AMPH: variants seen among roughly 807,000 people sequenced by gnomAD.
The protein encoded by AMPH is amphiphysin (Stiff-Mann syndrome with breast cancer 128kD autoantigen).
AMPH carries 49 observed loss-of-function variants against 99.1 expected under a neutral mutation model. That is an observed-to-expected ratio of 0.49 (90% confidence interval 0.39 to 0.63). AMPH has a LOEUF of 0.63. AMPH is among the 20% of genes least tolerant of loss of function. The probability of loss-of-function intolerance (pLI) is 0.00; values close to 1 mark genes in which losing one functional copy is unlikely to be tolerated. For synonymous variants in AMPH, 314 were observed against 317.3 expected, an observed-to-expected ratio of 0.99 and a Z score of 0.11; for missense variants, 759 against 863.4, an observed-to-expected ratio of 0.88 and a Z score of 1.52.
intron 12 of AMPH, among the ~76,000 whole-genome samples, chr7:38,433,532 C>T (rs1006653378): frequency 6.0e-5 from 9 of 150,554 alleles, no homozygotes; most frequent in African/African-American, 1.2e-4. Context: ...GAGACCATCC[C>T]GGCTAAAACG....
intron 1 of AMPH, among the ~76,000 whole-genome samples, chr7:38,624,464 G>A (rs1005857390): frequency 3.3e-5 from 5 of 151,616 alleles, no homozygotes; most frequent in South Asian, 2.1e-4. Flanking sequence ...GCACAATCGC[G>A]GCTCACTGCA....
intron 1 of AMPH, among the ~76,000 whole-genome samples, chr7:38,536,990 T>C (rs1790630194): frequency 6.6e-6 from 1 of 152,230 alleles, no homozygotes; most frequent in South Asian, 2.1e-4. Context: ...CATTATTTTC[T>C]TCTTTATAAC....
chr7:38,388,513 T>A (rs1784405539), intron 20 of AMPH, among the ~76,000 whole-genome samples: 1 of 152,122 alleles, frequency 6.6e-6, no homozygotes, highest in Non-Finnish European at 1.5e-5. Flanking sequence ...TCTATTTAAT[T>A]TCTATTTAAT....
intron 16 of AMPH, 54 bp from the exon 17 acceptor site, chr7:38,418,004 T>C: frequency 6.3e-7 from 1 of 1,581,688 alleles, no homozygotes; most frequent in Non-Finnish European, 8.6e-7. Context: ...GGTAAATAGA[T>C]AACATTACAG....
intron 2 of AMPH, among the ~76,000 whole-genome samples, chr7:38,508,762 TA>T (rs1789427748): frequency 6.6e-6 from 1 of 152,214 alleles, no homozygotes; most frequent in South Asian, 2.1e-4. Context: ...ATATCAAAAT[TA>T]AAACTGGCTC....
intron 3 of AMPH, among the ~76,000 whole-genome samples, chr7:38,498,638 A>T (rs1468824212): frequency 6.6e-6 from 1 of 152,212 alleles, no homozygotes; most frequent in African/African-American, 2.4e-5. Context: ...AGTATTATTG[A>T]ACTATTGGAC....
At chr7:38,564,886 A>C (rs1024233015) in intron 1 of AMPH, among the ~76,000 whole-genome samples, 10 of 152,306 alleles carry the variant, frequency 6.6e-5, no homozygotes, top group Admixed American at 3.3e-4. Flanking sequence ...GCACTCTGGG[A>C]GGCTGAGGTG....
chr7:38,573,757 T>C (rs1026624135), intron 1 of AMPH, among the ~76,000 whole-genome samples: 4 of 152,206 alleles, frequency 2.6e-5, no homozygotes, highest in African/African-American at 9.7e-5. Flanking sequence ...TTTCTTTCAA[T>C]AAAAATAGTT....
intron 14 of AMPH, chr7:38,429,065 C>T (rs781635688): frequency 2.1e-5 from 27 of 1,290,392 alleles, no homozygotes; most frequent in East Asian, 1.1e-4. Flanking sequence ...CCTTTTGACA[C>T]GCCTCCACAC....
chr7:38,393,873 T>A, intron 18 of AMPH, 132 bp downstream of exon 18: 1 of 776,502 alleles, frequency 1.3e-6, no homozygotes. Flanking sequence ...ATAATAATGT[T>A]GTTTGGTGGA....
rs545824108 is a variant in AMPH at position 38,419,666 on chromosome 7, T to C, written c.1273-1716A>G. Reference sequence around the variant, plus strand: ...CTTACCATTTGGGAAGTCAAGGTGATTTGCTATGACAGCCTGGTATCAAAT... The same window carrying C: ...CTTACCATTTGGGAAGTCAAGGTGACTTGCTATGACAGCCTGGTATCAAAT... On this transcript the variant is annotated intron_variant, in intron 16 of 20. Coordinates refer to ENST00000356264, the MANE Select transcript of AMPH (RefSeq NM_001635.4). 1.4e-4 allele frequency among the ~76,000 whole-genome samples: 22 copies of C among 152,288 alleles called. 1 individual carries two copies. The Middle Eastern group carries it at 0.01, about 71-fold the overall frequency.
chr7:38,437,797 C>T (rs12055899), intron 11 of AMPH, among the ~76,000 whole-genome samples: 19,362 of 151,550 alleles, frequency 0.13, 1,491 homozygotes, highest in East Asian at 0.28. Flanking sequence ...GACCAAGGCT[C>T]CATTCCCCCC....
At chr7:38,607,304 C>G (rs1290746848) in intron 1 of AMPH, among the ~76,000 whole-genome samples, 1 of 152,216 alleles carries the variant, frequency 6.6e-6, no homozygotes, top group Admixed American at 6.5e-5. Context: ...AAGCAACTAA[C>G]CAGCACTTCA....
intron 1 of AMPH, among the ~76,000 whole-genome samples, chr7:38,565,924 T>C (rs962317107): frequency 2.0e-5 from 3 of 152,196 alleles, no homozygotes; most frequent in Admixed American, 1.3e-4. Context: ...ACTGAAATAA[T>C]AGTCAATGCA....
chr7:38,598,718 G>T, intron 1 of AMPH, among the ~76,000 whole-genome samples: 1 of 151,336 alleles, frequency 6.6e-6, no homozygotes, highest in East Asian at 1.9e-4. Context: ...TCCAGCTTCT[G>T]TTCTTGATTT....
At chr7:38,625,963 G>C (rs1038141364) in intron 1 of AMPH, among the ~76,000 whole-genome samples, 2 of 152,060 alleles carry the variant, frequency 1.3e-5, no homozygotes, top group African/African-American at 4.8e-5. Context: ...AACAATTTTT[G>C]TTCAGTGTAT....
Position 38,426,951 on chromosome 7 carries a change from T to C in AMPH, c.1215+3A>G, listed in dbSNP as rs757010717. On this transcript the variant is annotated splice_donor_region_variant and intron_variant, in intron 15 of 20. Transcript: ENST00000356264. ...GGATCTTGTAAGAAAACAGATTCCT[T>C]ACCTGTGTGAATCCATTAAATGAAC... 2.3e-5 allele frequency: 37 copies of C among 1,612,808 alleles called. No individual in the cohort carries two copies. The highest frequency in any genetic ancestry group is 5.0e-5 in the Admixed American group (3 of 59,940).
At chr7:38,486,888 T>C (rs925904494) in intron 5 of AMPH, among the ~76,000 whole-genome samples, 31 of 152,064 alleles carry the variant, frequency 2.0e-4, no homozygotes, top group Non-Finnish European at 3.2e-4. Context: ...CCTTTCACGA[T>C]AAAATGCTCA....
intron 4 of AMPH, 37 bp downstream of exon 4, chr7:38,494,396 G>A: frequency 6.4e-7 from 1 of 1,561,726 alleles, no homozygotes. Context: ...CTGAGCAAGG[G>A]TCGTGGGAGC....
Sources: gnomAD v4.1 joint callset for allele counts (sites outside exome capture counted in the v4.1 genomes callset) on GRCh38, gnomAD v4.1.1 for gene constraint, MANE v1.5 for transcripts, NCBI Gene and HGNC (gene_info 2026-07-23, HGNC 2026-07-21) for gene names.